The following GABRG3 variants were observed in gnomAD, a reference collection of about 807,000 sequenced individuals.
GABRG3 encodes gamma-aminobutyric acid type A receptor subunit gamma3.
A neutral mutation model predicts 48.8 loss-of-function variants in GABRG3; 25 were observed. The ratio of observed to expected loss-of-function variants is 0.51; its 90% CI spans 0.37 to 0.72. The LOEUF (loss-of-function observed/expected upper bound fraction) is 0.72, where lower values mean the gene tolerates loss of function less well. GABRG3 is among the 30% of genes least tolerant of loss of function. GABRG3 has a pLI of 0.00. For synonymous variants in GABRG3, 227 were observed against 217.6 expected (o/e 1.04, Z -0.38); for missense variants, 394 against 577.9 (o/e 0.68, Z 3.26).
intron 5 of GABRG3, among the ~76,000 whole-genome samples, chr15:27,429,471 A>T (rs553867348): frequency 6.2e-4 from 94 of 152,306 alleles, no homozygotes; most frequent in African/African-American, 2.2e-3. Flanking sequence ...TAAAGTATGC[A>T]GTTCAGTAAT....
intron 3 of GABRG3, among the ~76,000 whole-genome samples, chr15:27,247,868 C>A (rs1890316051): frequency 6.6e-6 from 1 of 152,266 alleles, no homozygotes; most frequent in Non-Finnish European, 1.5e-5. Flanking sequence ...AAACTGCCCC[C>A]ATGATTCAAT....
intron 3 of GABRG3, among the ~76,000 whole-genome samples, chr15:27,162,208 G>A (rs1441367506): frequency 6.6e-6 from 1 of 152,114 alleles, no homozygotes; most frequent in South Asian, 2.1e-4. Context: ...CTGGGAGAGA[G>A]CCCAACCCAA....
chr15:27,351,100 T>A (rs1017779636), intron 5 of GABRG3, among the ~76,000 whole-genome samples: 1 of 150,142 alleles, frequency 6.7e-6, no homozygotes, highest in Non-Finnish European at 1.5e-5. Flanking sequence ...GTGTATGGTG[T>A]GTGTGTATGG....
chr15:27,169,873 A>G (rs936962950), intron 3 of GABRG3, among the ~76,000 whole-genome samples: 2 of 152,212 alleles, frequency 1.3e-5, no homozygotes, highest in Non-Finnish European at 1.5e-5. Flanking sequence ...TTCTGCTATC[A>G]CAGATACTGC....
chr15:27,503,015 G>T (rs895116674), intron 6 of GABRG3, among the ~76,000 whole-genome samples: 21 of 152,184 alleles, frequency 1.4e-4, no homozygotes, highest in African/African-American at 5.1e-4. Flanking sequence ...GGCATGGCTG[G>T]TTAAACCGAT....
At chr15:27,125,872 C>G (rs1897811293) in intron 3 of GABRG3, among the ~76,000 whole-genome samples, 1 of 152,196 alleles carries the variant, frequency 6.6e-6, no homozygotes, top group South Asian at 2.1e-4. Context: ...ATTGCAAACA[C>G]CAAATGAAAC....
At chr15:27,495,589 T>A (rs1566866711) in intron 6 of GABRG3, among the ~76,000 whole-genome samples, 1 of 152,228 alleles carries the variant, frequency 6.6e-6, no homozygotes, top group African/African-American at 2.4e-5. Context: ...TTTCCACTGA[T>A]CTCCTCTGTG....
intron 3 of GABRG3, among the ~76,000 whole-genome samples, chr15:27,103,222 G>A (rs980330255): frequency 1.3e-5 from 2 of 152,142 alleles, no homozygotes; most frequent in Non-Finnish European, 2.9e-5. Context: ...CTTCTTTGAC[G>A]TATACATATT....
At chr15:27,265,671 C>T (rs1407314246) in intron 3 of GABRG3, among the ~76,000 whole-genome samples, 1 of 152,194 alleles carries the variant, frequency 6.6e-6, no homozygotes, top group Non-Finnish European at 1.5e-5. Context: ...TCCATTCCAG[C>T]TACCAGTCCT....
rs1171991428 is a variant in GABRG3 at position 26,987,762 on chromosome 15, ATTGAT to A, written c.202+10617_202+10621del. On this transcript the variant is annotated intron_variant, in intron 2 of 9. Coordinates refer to ENST00000615808, the MANE Select transcript of GABRG3 (RefSeq NM_033223.5). ...TAGTTTTGAGGTGGAAGACGAAGGC[ATTGAT>A]TTGAGACGTTCTTTTCTAATTTTCA... is the stretch of plus-strand genomic sequence containing the variant. Among the ~76,000 whole-genome samples, 4 of 152,310 alleles carry A rather than the reference ATTGAT, an allele frequency of 2.6e-5. No individual in the cohort carries two copies. In the East Asian group the frequency reaches 7.7e-4, roughly 29 times the overall value.
chr15:27,292,296 G>A (rs1008760825), intron 3 of GABRG3, among the ~76,000 whole-genome samples: 5 of 151,716 alleles, frequency 3.3e-5, no homozygotes. Flanking sequence ...GGGGGCTAGG[G>A]GAGGGATAGC....
intron 3 of GABRG3, among the ~76,000 whole-genome samples, chr15:27,108,951 A>G (rs930770598): frequency 6.6e-6 from 1 of 152,142 alleles, no homozygotes; most frequent in Non-Finnish European, 1.5e-5. Flanking sequence ...AATGCTCATA[A>G]TAAAATAGGC....
At chr15:27,529,083 C>T (rs1891353509) in intron 9 of GABRG3, among the ~76,000 whole-genome samples, 2 of 152,176 alleles carry the variant, frequency 1.3e-5, no homozygotes, top group Non-Finnish European at 2.9e-5. Context: ...TGACCACCCT[C>T]ACTTTCTTTT....
intron 3 of GABRG3, among the ~76,000 whole-genome samples, chr15:27,256,236 A>T (rs1303651694): frequency 1.3e-5 from 2 of 151,800 alleles, no homozygotes; most frequent in Admixed American, 1.3e-4. Flanking sequence ...AGGTCAGGAG[A>T]TCAAGACCAT....
chr15:27,481,590 T>A (rs1890102593), intron 6 of GABRG3, among the ~76,000 whole-genome samples: 1 of 152,192 alleles, frequency 6.6e-6, no homozygotes, highest in Admixed American at 6.5e-5. Flanking sequence ...TGAGAATTAA[T>A]TGTAAATATC....
intron 3 of GABRG3, among the ~76,000 whole-genome samples, chr15:27,188,964 G>A (rs1202907417): frequency 1.6e-4 from 24 of 152,068 alleles, no homozygotes; most frequent in Middle Eastern, 3.4e-3. Context: ...AGTTTTCCCA[G>A]CACCATTTAT....
chr15:27,107,953 AT>A (rs896597105), intron 3 of GABRG3, among the ~76,000 whole-genome samples: 1 of 147,466 alleles, frequency 6.8e-6, no homozygotes, highest in African/African-American at 2.5e-5. Flanking sequence ...TGTCTTCTTC[AT>A]TTTTTTTTCT....
At chr15:27,062,491 C>G (rs1896667545) in intron 3 of GABRG3, among the ~76,000 whole-genome samples, 1 of 145,624 alleles carries the variant, frequency 6.9e-6, no homozygotes, top group African/African-American at 2.5e-5. Context: ...GCCTGTAATC[C>G]CAGCTACTCA....
At chr15:27,109,868 C>G (rs1897515150) in intron 3 of GABRG3, among the ~76,000 whole-genome samples, 1 of 152,052 alleles carries the variant, frequency 6.6e-6, no homozygotes, top group Non-Finnish European at 1.5e-5. Context: ...GGCGACAGAG[C>G]GAGACTGTGT....
Sources: allele counts gnomAD v4.1 joint callset (sites outside exome capture counted in the v4.1 genomes callset), GRCh38; gene constraint gnomAD v4.1.1; transcripts MANE v1.5; gene names NCBI Gene and HGNC (gene_info 2026-07-23, HGNC 2026-07-21).